Variants in LRBA observed in about 807,000 individuals in gnomAD.
LRBA encodes lipopolysaccharide-responsive and beige-like anchor protein.
Under a neutral mutation model 330.0 loss-of-function variants are expected in LRBA, and 176 were observed. The observed-to-expected ratio is 0.53, with a 90% CI of 0.47 to 0.60. The LOEUF (loss-of-function observed/expected upper bound fraction) is 0.60. Ranked by LOEUF, LRBA falls within the 20% of genes least tolerant of loss-of-function variation. LRBA has a pLI of 0.00. For missense variants in LRBA, 3,259 were observed against 3,444.8 expected (o/e 0.95, Z 1.35); for synonymous variants, 1,230 against 1,193.0 (o/e 1.03, Z -0.64).
intron 22 of LRBA, among the ~76,000 whole-genome samples, chr4:150,857,593 G>A (rs1751378543): frequency 6.6e-6 from 1 of 152,000 alleles, no homozygotes; most frequent in Non-Finnish European, 1.5e-5. Context: ...CCTTCCTCTG[G>A]AAATTCCACT....
intron 47 of LRBA, among the ~76,000 whole-genome samples, chr4:150,414,884 C>T (rs569824436): frequency 3.3e-5 from 5 of 152,196 alleles, no homozygotes; most frequent in African/African-American, 7.2e-5. Context: ...ATTAGTGTCT[C>T]GAAAATAATA....
At chr4:150,788,919 C>G (rs1243906989) in intron 34 of LRBA, among the ~76,000 whole-genome samples, 1 of 151,308 alleles carries the variant, frequency 6.6e-6, no homozygotes, top group Non-Finnish European at 1.5e-5. Context: ...CACTAAAATT[C>G]AAAAATGTGC....
intron 47 of LRBA, among the ~76,000 whole-genome samples, chr4:150,369,278 G>T (rs933934176): frequency 2.5e-4 from 38 of 152,074 alleles, no homozygotes; most frequent in African/African-American, 8.4e-4. Flanking sequence ...TTTGCAAAAT[G>T]TTATCAAATA....
At chr4:150,724,017 T>C (rs1050715514) in intron 36 of LRBA, among the ~76,000 whole-genome samples, 1 of 152,174 alleles carries the variant, frequency 6.6e-6, no homozygotes, top group Non-Finnish European at 1.5e-5. Context: ...TATTGTGGTT[T>C]GAGTGCAGGC....
intron 44 of LRBA, among the ~76,000 whole-genome samples, chr4:150,437,354 G>T (rs1423496865): frequency 6.6e-6 from 1 of 151,654 alleles, no homozygotes; most frequent in Non-Finnish European, 1.5e-5. Context: ...GGAAAACAGG[G>T]TTAAGAAACT....
At chr4:150,676,322 T>C (rs945143225) in intron 37 of LRBA, among the ~76,000 whole-genome samples, 15 of 152,224 alleles carry the variant, frequency 9.9e-5, no homozygotes, top group African/African-American at 3.6e-4. Flanking sequence ...ATCATTGCTT[T>C]TTAAGCTATT....
At chr4:150,307,565 TA>T (rs113281423) in intron 52 of LRBA, among the ~76,000 whole-genome samples, 5,677 of 138,974 alleles carry the variant, frequency 0.041, 310 homozygotes, top group African/African-American at 0.13. Context: ...TATAAAAATT[TA>T]AAAAAAAAAA....
chr4:150,851,249 G>A (rs1278968217), intron 23 of LRBA, among the ~76,000 whole-genome samples: 1 of 152,130 alleles, frequency 6.6e-6, no homozygotes, highest in South Asian at 2.1e-4. Flanking sequence ...AGTGGCATTT[G>A]GATTATGAAG....
rs3749574 is a variant in LRBA, at chr4:150,285,975, C to T, written c.8077G>A (p.Ala2693Thr). Residue 2693 changes from alanine (A) to threonine (T), a missense_variant, in exon 54 of 57, where the codon GCG (alanine) becomes ACG (threonine). Ala to Thr is a moderately conservative substitution (Grantham distance 58). Coordinates refer to ENST00000651943, the MANE Select transcript of LRBA (RefSeq NM_001364905.1). ...ACCAGGCCTAGCTCCGCACACACCGCAGCACATGTGACCTCATAGTCATGG... is the reference window on the plus strand; with the variant it reads ...ACCAGGCCTAGCTCCGCACACACCGTAGCACATGTGACCTCATAGTCATGG... ...TGHDYEVTCA[A>T]VCAELGLVLS... The T allele has an allele frequency of 0.27, 434,881 of 1,595,388 alleles. 64,008 individuals carry two copies. The highest frequency in any genetic ancestry group is 0.31 in the Non-Finnish European group (361,846 of 1,170,840).
intron 37 of LRBA, among the ~76,000 whole-genome samples, chr4:150,640,133 A>G (rs933932672): frequency 5.9e-5 from 9 of 151,854 alleles, no homozygotes; most frequent in African/African-American, 2.2e-4. Context: ...CTGGGAATAC[A>G]GGCATGAGCC....
intron 34 of LRBA, among the ~76,000 whole-genome samples, chr4:150,776,747 T>C (rs1455564492): frequency 7.1e-6 from 1 of 141,596 alleles, no homozygotes; most frequent in African/African-American, 2.5e-5. Context: ...GAGGCACAGG[T>C]TGCAGTGAGC....
chr4:150,300,597 T>C (rs557416426), intron 53 of LRBA, among the ~76,000 whole-genome samples: 6 of 152,100 alleles, frequency 3.9e-5, no homozygotes, highest in African/African-American at 1.4e-4. Context: ...ACAGCAAAGC[T>C]TGGAACTTAG....
chr4:150,738,314 A>C (rs1447970619), intron 35 of LRBA, among the ~76,000 whole-genome samples: 1 of 152,146 alleles, frequency 6.6e-6, no homozygotes, highest in African/African-American at 2.4e-5. Flanking sequence ...CTTATGACTA[A>C]AAATAGGTCT....
chr4:150,392,816 G>A (rs140515538), intron 47 of LRBA, among the ~76,000 whole-genome samples: 2 of 151,012 alleles, frequency 1.3e-5, no homozygotes, highest in Non-Finnish European at 3.0e-5. Flanking sequence ...ATGGACACAG[G>A]GGGAGGGGAA....
chr4:150,522,589 G>A (rs960016614), intron 40 of LRBA, among the ~76,000 whole-genome samples: 4 of 152,186 alleles, frequency 2.6e-5, no homozygotes, highest in African/African-American at 7.2e-5. Flanking sequence ...CAAGGCACCC[G>A]TGGTAACTTG....
intron 2 of LRBA, among the ~76,000 whole-genome samples, chr4:150,978,016 A>T (rs1740397379): frequency 6.6e-6 from 1 of 152,256 alleles, no homozygotes; most frequent in South Asian, 2.1e-4. Flanking sequence ...TGCTGATGGT[A>T]GAGCCCTAGG....
At chr4:150,639,807 GTGTGTGTGTGTGTATATA>G (rs1778413070) in intron 37 of LRBA, among the ~76,000 whole-genome samples, 284 of 14,858 alleles carry the variant, frequency 0.019, 70 homozygotes, top group African/African-American at 0.026. Context: ...ATATATATAT[GTGTGTGTGTGTGTATATA>G]TATATATATA....
At chr4:150,787,216 T>C (rs1241327161) in intron 34 of LRBA, among the ~76,000 whole-genome samples, 2 of 149,504 alleles carry the variant, frequency 1.3e-5, no homozygotes, top group African/African-American at 4.9e-5. Context: ...ACAGACTCCA[T>C]CTCAAAAAAA....
intron 36 of LRBA, among the ~76,000 whole-genome samples, chr4:150,702,986 C>A (rs1240845391): frequency 6.6e-6 from 1 of 152,082 alleles, no homozygotes; most frequent in Non-Finnish European, 1.5e-5. Flanking sequence ...ATAGTGAAGC[C>A]CCCATCTCTA....
Sources: gnomAD v4.1 joint callset for allele counts (sites outside exome capture counted in the v4.1 genomes callset) on GRCh38, gnomAD v4.1.1 for gene constraint, MANE v1.5 for transcripts, NCBI Gene and HGNC (gene_info 2026-07-23, HGNC 2026-07-21) for gene names.